CFAP221: variants seen among roughly 807,000 people sequenced by gnomAD.
The protein encoded by CFAP221 is cilia and flagella associated protein 221, also known as cilia- and flagella-associated protein 221.
A neutral mutation model predicts 113.1 loss-of-function variants in CFAP221; 97 were observed. The observed-to-expected ratio is 0.86, with a 90% CI of 0.73 to 1.02. The LOEUF is 1.02. Among genes scored for constraint, CFAP221 ranks in the 50% least tolerant of loss-of-function variants. The pLI is 0.00. For missense variants in CFAP221, 1,025 were observed against 1,013.4 expected, an observed-to-expected ratio of 1.01 and a Z score of -0.16; for synonymous variants, 331 against 354.4, an observed-to-expected ratio of 0.93 and a Z score of 0.74.
downstream of CFAP221, among the ~76,000 whole-genome samples, chr2:119,658,468 C>G (rs1688521945): frequency 6.6e-6 from 1 of 152,144 alleles, no homozygotes; most frequent in Admixed American, 6.5e-5. Context: ...CTCCAAGGAG[C>G]CCTGGTTCCT....
chr2:119,650,977 A>G (rs938163366), intron 22 of CFAP221, among the ~76,000 whole-genome samples: 1 of 152,106 alleles, frequency 6.6e-6, no homozygotes, highest in African/African-American at 2.4e-5. Context: ...TCTCTAATTG[A>G]GTGTGGTGGA....
chr2:119,658,349 C>G (rs1286842845), downstream of CFAP221, among the ~76,000 whole-genome samples: 1 of 152,158 alleles, frequency 6.6e-6, no homozygotes, highest in Admixed American at 6.5e-5. Flanking sequence ...CACCTCTGAC[C>G]TTTCAGTGCA....
chr2:119,646,918 T>A, intron 21 of CFAP221, 40 bp from the exon 22 acceptor site: 3 of 1,540,400 alleles, frequency 1.9e-6, no homozygotes, highest in Non-Finnish European at 1.8e-6. Flanking sequence ...AGACTTCTAG[T>A]GTGACTCTAT....
At chr2:119,653,935 A>G (rs1688278202) in intron 23 of CFAP221, among the ~76,000 whole-genome samples, 1 of 152,120 alleles carries the variant, frequency 6.6e-6, no homozygotes, top group South Asian at 2.1e-4. Flanking sequence ...CTCTTCTTTT[A>G]TGAGGGACTT....
chr2:119,635,425 G>T (rs997960285), intron 19 of CFAP221, among the ~76,000 whole-genome samples: 1 of 152,142 alleles, frequency 6.6e-6, no homozygotes, highest in Non-Finnish European at 1.5e-5. Context: ...AAGATTACAT[G>T]CTGTTTTGTT....
In CFAP221 at chr2:119,639,365, G is replaced by A. The variant is rs537584902; in HGVS notation, c.2134-416G>A. On this transcript the variant is annotated intron_variant, in intron 20 of 23. Coordinates refer to ENST00000413369, the MANE Select transcript of CFAP221 (RefSeq NM_001271049.2). ...CATGCACCCTGCACTCAGCCCAGCC[G>A]GGGGTCTCCTTGCAGCGCTCGCCTC... Among the ~76,000 whole-genome samples, 46 of 152,286 alleles carry A rather than the reference G, an allele frequency of 3.0e-4. No individual in the cohort carries two copies. In the South Asian group the frequency reaches 3.7e-3, roughly 12 times the overall value.
intron 2 of CFAP221, among the ~76,000 whole-genome samples, chr2:119,546,519 C>T (rs1164022854): frequency 6.6e-6 from 1 of 152,176 alleles, no homozygotes; most frequent in Non-Finnish European, 1.5e-5. Context: ...ATCTGCTCCC[C>T]TTATCTTGTT....
chr2:119,611,028 G>A (rs987778012), intron 12 of CFAP221, among the ~76,000 whole-genome samples: 1 of 152,024 alleles, frequency 6.6e-6, no homozygotes, highest in Non-Finnish European at 1.5e-5. Context: ...GCAGTCTGGG[G>A]TCACTCACCT....
rs1404084339 is a variant in CFAP221, at chr2:119,640,774, A to G, written c.2225+902A>G. On this transcript the variant is annotated intron_variant, in intron 21 of 23. Transcript: ENST00000413369. ...AGATCAGTAGGTGATCTTTACACAC[A>G]CCCCAGCTCCCACTCGGGTAACCTG... is the stretch of plus-strand genomic sequence containing the variant. Among the ~76,000 whole-genome samples, 2 of 151,898 alleles carry G rather than the reference A, an allele frequency of 1.3e-5. 1 individual carries two copies.
Position 119,559,991 on chromosome 2 carries a change from C to CGATACTAT in CFAP221, c.392_399dup (p.Tyr134AspfsTer27). 6.5e-7 allele frequency: 1 copy of CGATACTAT among 1,533,372 alleles called. No individual in the cohort carries two copies. The highest frequency in any genetic ancestry group is 8.7e-7 in the Non-Finnish European group (1 of 1,146,088). The allele number at this position is 1,533,372 out of a possible 1,614,324, so 95.0% of individuals were successfully genotyped here. ...CGTTACATTTTCTCCAGATGAGTGG[C>CGATACTAT]GATACTATTATGACTGCATCCGTGT... On this transcript the variant is annotated frameshift_variant, in exon 5 of 24. Transcript: ENST00000413369. LOFTEE classifies it high-confidence loss of function.
At chr2:119,555,021 TC>T (rs1558907567) in intron 3 of CFAP221, among the ~76,000 whole-genome samples, 1 of 152,136 alleles carries the variant, frequency 6.6e-6, no homozygotes, top group East Asian at 1.9e-4. Flanking sequence ...GAGAATAGAC[TC>T]CCCCAAGGAG....
In CFAP221 at chr2:119,646,958, C is replaced by T; in HGVS notation, c.2226C>T (p.Ser742=). 2 of 1,613,032 alleles carry T rather than the reference C, an allele frequency of 1.2e-6. No homozygotes were observed. Among genetic ancestry groups the T allele is most frequent in the Non-Finnish European group, 8.5e-7 (1 of 1,179,296 alleles). The change falls in exon 22 of 24, where the codon AGC becomes AGT. Residue 742 remains serine (S), a splice_region_variant and synonymous_variant. Coordinates refer to ENST00000413369, the MANE Select transcript of CFAP221 (RefSeq NM_001271049.2). The part of the protein sequence containing the change: ...PDPSKMETTK[S]CDSFNSFMLP... ...GACTGCTTGTGTGGTTTTTCCACAG[C>T]TGCGATTCCTTCAATTCATTTATGC... is the stretch of plus-strand genomic sequence containing the variant.
chr2:119,640,287 G>A (rs958878020), intron 21 of CFAP221, among the ~76,000 whole-genome samples: 10 of 151,792 alleles, frequency 6.6e-5, no homozygotes. Flanking sequence ...CAGTTCCAAA[G>A]GATCCATGGC....
intron 6 of CFAP221, among the ~76,000 whole-genome samples, chr2:119,577,013 T>C (rs1682497044): frequency 6.6e-6 from 1 of 152,256 alleles, no homozygotes; most frequent in South Asian, 2.1e-4. Flanking sequence ...GGTAACATTT[T>C]ATAAAAGGTC....
At chr2:119,557,360 G>A (rs373235639) in intron 3 of CFAP221, 2 of 152,272 alleles carry the variant, frequency 1.3e-5, no homozygotes, top group Non-Finnish European at 2.9e-5. Context: ...GTAATCTCAC[G>A]AAGTCCCAGC....
intron 14 of CFAP221, 78 bp downstream of exon 14, chr2:119,615,787 A>AAC: frequency 3.7e-6 from 4 of 1,068,320 alleles, no homozygotes; most frequent in South Asian, 1.5e-5. Context: ...TGGTTTGATA[A>AAC]CACCTTTATT....
chr2:119,602,653 G>A lies in CFAP221; in HGVS notation c.791+1276G>A, dbSNP rs977665962. ...CAACTGTAGGATATTAGTGTGGCCT[G>A]CTGAACCCAAATCCTGCAAATAACC... is the stretch of plus-strand genomic sequence containing the variant. On this transcript the variant is annotated intron_variant, in intron 8 of 23. Transcript: ENST00000413369. 1.0e-5 allele frequency: 10 copies of A among 985,338 alleles called. No individual in the cohort carries two copies. In the Admixed American group the frequency reaches 4.9e-4, roughly 48 times the overall value. The allele number at this position is 985,338 out of a possible 1,614,324, so 61.0% of individuals were successfully genotyped here. A position where few individuals can be genotyped will look rare whatever the true frequency, so the allele number is the denominator to read the frequency against.
intron 7 of CFAP221, among the ~76,000 whole-genome samples, chr2:119,588,820 G>A (rs1683391533): frequency 6.6e-6 from 1 of 152,106 alleles, no homozygotes; most frequent in Admixed American, 6.5e-5. Context: ...CATACACTTG[G>A]ATGTCACTGG....
intron 6 of CFAP221, 92 bp from the exon 7 acceptor site, chr2:119,587,027 A>G (rs1683269524): frequency 1.1e-5 from 10 of 888,902 alleles, no homozygotes; most frequent in Non-Finnish European, 1.6e-5. Flanking sequence ...ATCATTGTTT[A>G]TTACGTAACT....
Sources: gnomAD v4.1 joint callset for allele counts (sites outside exome capture counted in the v4.1 genomes callset) on GRCh38, gnomAD v4.1.1 for gene constraint, MANE v1.5 for transcripts, NCBI Gene and HGNC (gene_info 2026-07-23, HGNC 2026-07-21) for gene names.